LCK: variants seen among roughly 807,000 people sequenced by gnomAD.
LCK encodes tyrosine-protein kinase Lck.
LCK carries 14 observed loss-of-function variants against 64.6 expected under a neutral mutation model. The observed-to-expected ratio is 0.22, with a 90% CI of 0.14 to 0.34. LCK has a LOEUF of 0.34. Among genes scored for constraint, LCK ranks in the 10% least tolerant of loss-of-function variants. LCK has a pLI of 1.00. For synonymous variants in LCK, 277 were observed against 263.6 expected, an observed-to-expected ratio of 1.05 and a Z score of -0.49; for missense variants, 434 against 668.1, an observed-to-expected ratio of 0.65 and a Z score of 3.86.
intron 3 of LCK, 32 bp from the exon 4 acceptor site, chr1:32,274,961 T>G (rs1640211279): frequency 6.2e-7 from 1 of 1,614,038 alleles, no homozygotes; most frequent in African/African-American, 1.3e-5. Context: ...CGATCCCAGC[T>G]CGGTTCTCCC....
chr1:32,258,803 CAAAAA>C (rs58703501), intron 1 of LCK, among the ~76,000 whole-genome samples: 1 of 60,714 alleles, frequency 1.6e-5, no homozygotes, highest in African/African-American at 5.0e-5. Context: ...GACTCCGTCT[CAAAAA>C]AAAAAAAAAA....
intron 12 of LCK, among the ~76,000 whole-genome samples, chr1:32,284,014 G>A (rs1246595450): frequency 6.6e-6 from 1 of 151,728 alleles, no homozygotes; most frequent in Non-Finnish European, 1.5e-5. Flanking sequence ...TCGGGTAGCT[G>A]GAATTACAGG....
intron 1 of LCK, 92 bp from the exon 2 acceptor site, chr1:32,274,233 T>C (rs1394398330): frequency 7.5e-6 from 12 of 1,599,994 alleles, no homozygotes; most frequent in Non-Finnish European, 8.5e-6. Context: ...TCAGGTACTT[T>C]TGGAACTTTC....
At chr1:32,274,889 C>T (rs773145289) in intron 3 of LCK, 71 bp downstream of exon 3, 20 of 1,613,862 alleles carry the variant, frequency 1.2e-5, no homozygotes, top group Middle Eastern at 1.6e-4. Flanking sequence ...ACCTCTCCCC[C>T]ACCTACTTTC....
intron 12 of LCK, among the ~76,000 whole-genome samples, chr1:32,283,030 G>A (rs1482690469): frequency 2.6e-5 from 4 of 151,208 alleles, no homozygotes; most frequent in Non-Finnish European, 5.9e-5. Flanking sequence ...GGTGGGTCAC[G>A]CCTGCAACCC....
intron 12 of LCK, among the ~76,000 whole-genome samples, chr1:32,281,629 G>A (rs1162889917): frequency 6.6e-6 from 1 of 152,062 alleles, no homozygotes; most frequent in Non-Finnish European, 1.5e-5. Flanking sequence ...TTTTTGAAAG[G>A]AACTTGCTAA....
Position 32,275,815 on chromosome 1 carries a change from C to A in LCK, c.482-99C>A. 7.0e-7 allele frequency: 1 copy of A among 1,425,256 alleles called. No homozygotes were observed. The highest frequency in any genetic ancestry group is 1.3e-5 in the South Asian group (1 of 74,736). The allele number at this position is 1,425,256 out of a possible 1,614,324, so 88.3% of individuals were successfully genotyped here. A position where few individuals can be genotyped will look rare whatever the true frequency, so the allele number is the denominator to read the frequency against. On this transcript the variant is annotated intron_variant, in intron 6 of 12. Transcript: ENST00000336890. The surrounding 1 kb of genome is among the most constrained non-coding windows in gnomAD (Gnocchi z 6.9). ...CCCGAGGTGGGGGCGCGGGATGACC[C>A]GGAGTTGGGGGTGCTGGGTGAGCCC...
intron 12 of LCK, among the ~76,000 whole-genome samples, chr1:32,282,906 A>C (rs1640504308): frequency 6.6e-6 from 1 of 152,184 alleles, no homozygotes; most frequent in Non-Finnish European, 1.5e-5. Flanking sequence ...GGCTATACTC[A>C]GGCTGGATTT....
rs754479058 is a variant in LCK, at chr1:32,274,976, G to A, written c.188-17G>A. 1.9e-6 allele frequency: 3 copies of A among 1,614,138 alleles called. No homozygotes were observed. Among genetic ancestry groups the A allele is most frequent in the Admixed American group, 1.7e-5 (1 of 60,022 alleles). On this transcript the variant is annotated splice_polypyrimidine_tract_variant and intron_variant, in intron 3 of 12. Coordinates refer to ENST00000336890, the MANE Select transcript of LCK (RefSeq NM_005356.5). ...CGATCCCAGCTCGGTTCTCCCTGAT[G>A]CCCCTTGTCTTTACAGACAACCTGG... is the stretch of plus-strand genomic sequence containing the variant.
intron 12 of LCK, among the ~76,000 whole-genome samples, chr1:32,281,591 C>T (rs775376304): frequency 6.6e-6 from 1 of 152,068 alleles, no homozygotes; most frequent in African/African-American, 2.4e-5. Flanking sequence ...GCCCTTTACC[C>T]CTGAATTCAG....
intron 1 of LCK, among the ~76,000 whole-genome samples, chr1:32,271,694 G>C (rs1262036938): frequency 6.6e-6 from 1 of 152,192 alleles, no homozygotes; most frequent in Admixed American, 6.6e-5. Context: ...TAAAATTGGA[G>C]ATTAGGCTTG....
chr1:32,258,228 A>G (rs917305807), intron 1 of LCK, among the ~76,000 whole-genome samples: 7 of 151,266 alleles, frequency 4.6e-5, no homozygotes, highest in African/African-American at 1.7e-4. Context: ...GGCTGCAGTG[A>G]GCCATGATCA....
chr1:32,254,956 C>G (rs773687654), intron 1 of LCK, among the ~76,000 whole-genome samples: 3 of 152,028 alleles, frequency 2.0e-5, no homozygotes, highest in African/African-American at 7.2e-5. Flanking sequence ...TGAGACCTGC[C>G]TGGGCAACAT....
intron 1 of LCK, among the ~76,000 whole-genome samples, chr1:32,253,211 C>CA (rs1639549542): frequency 6.6e-6 from 1 of 152,092 alleles, no homozygotes; most frequent in Non-Finnish European, 1.5e-5. Flanking sequence ...GTTAAAAATG[C>CA]AAAATTAGCC....
rs1253587261 is a variant in LCK, at chr1:32,267,813, G to A, written c.-5-6512G>A. ...GGAGGCTGAGGCAGGAGAATCACTT[G>A]AACCTGGGAGGTGGATATTGCAGTG... On this transcript the variant is annotated intron_variant, in intron 1 of 12. Transcript: ENST00000336890. 3.3e-5 allele frequency among the ~76,000 whole-genome samples: 5 copies of A among 152,176 alleles called. No homozygotes were observed. In the East Asian group the frequency reaches 7.7e-4, roughly 24 times the overall value.
intron 12 of LCK, among the ~76,000 whole-genome samples, chr1:32,284,545 T>G (rs1640560441): frequency 6.6e-6 from 1 of 151,760 alleles, no homozygotes; most frequent in Non-Finnish European, 1.5e-5. Flanking sequence ...AATTTTTGTA[T>G]TTTTAGTAAA....
chr1:32,283,521 T>C (rs980031522), intron 12 of LCK, among the ~76,000 whole-genome samples: 9 of 151,928 alleles, frequency 5.9e-5, no homozygotes, highest in Middle Eastern at 3.2e-3. Flanking sequence ...AATTTAGAAA[T>C]AGGGAAGGAG....
At chr1:32,277,930 C>T (rs538353220) in intron 9 of LCK, among the ~76,000 whole-genome samples, 85 of 152,328 alleles carry the variant, frequency 5.6e-4, no homozygotes, top group African/African-American at 1.9e-3. Flanking sequence ...AACTCCAGCA[C>T]TTTGGGAGGC....
intron 1 of LCK, among the ~76,000 whole-genome samples, chr1:32,252,095 T>G (rs1167006864): frequency 6.6e-6 from 1 of 151,992 alleles, no homozygotes; most frequent in Non-Finnish European, 1.5e-5. Context: ...GATCTGAGTA[T>G]GGGAAGTTGG....
Sources: allele counts gnomAD v4.1 joint callset (sites outside exome capture counted in the v4.1 genomes callset), GRCh38; gene constraint gnomAD v4.1.1; non-coding constraint Gnocchi (gnomAD v3.1); transcripts MANE v1.5; gene names NCBI Gene and HGNC (gene_info 2026-07-23, HGNC 2026-07-21).